PDE4B: variants seen among roughly 807,000 people sequenced by gnomAD.
PDE4B encodes the protein phosphodiesterase 4B.
PDE4B carries 20 observed loss-of-function variants against 82.2 expected under a neutral mutation model. That is an observed-to-expected ratio of 0.24 (90% CI 0.17 to 0.35). The LOEUF (loss-of-function observed/expected upper bound fraction) is 0.35. PDE4B is among the 10% of genes least tolerant of loss of function. The pLI, the probability that PDE4B is intolerant of heterozygous loss-of-function variation, is 1.00. For missense variants in PDE4B, 655 were observed against 907.2 expected (o/e 0.72, Z 3.57); for synonymous variants, 320 against 318.9 (o/e 1.00, Z -0.04).
chr1:66,113,171 A>G (rs941373128), intron 3 of PDE4B, among the ~76,000 whole-genome samples: 3 of 152,234 alleles, frequency 2.0e-5, no homozygotes, highest in African/African-American at 7.2e-5. Flanking sequence ...TGCAGAAATA[A>G]AACTAGAAGT....
chr1:66,264,444 T>C (rs1321134907), intron 6 of PDE4B, among the ~76,000 whole-genome samples: 2 of 152,216 alleles, frequency 1.3e-5, no homozygotes, highest in African/African-American at 4.8e-5. Context: ...TCTTAAACTC[T>C]CTGAGCTTCA....
At chr1:66,341,800 C>T (rs1234548562) in intron 8 of PDE4B, among the ~76,000 whole-genome samples, 2 of 152,150 alleles carry the variant, frequency 1.3e-5, no homozygotes, top group Admixed American at 6.5e-5. Context: ...GAAAGTTGAA[C>T]GTGAGATGGT....
chr1:66,240,002 C>T (rs769869035), intron 3 of PDE4B, among the ~76,000 whole-genome samples: 4 of 152,238 alleles, frequency 2.6e-5, no homozygotes, highest in Non-Finnish European at 4.4e-5. Context: ...ATGATTTTTG[C>T]TGTGTGTGGT....
chr1:66,246,877 C>T (rs1653351881), intron 3 of PDE4B, among the ~76,000 whole-genome samples: 1 of 152,206 alleles, frequency 6.6e-6, no homozygotes, highest in Admixed American at 6.5e-5. Flanking sequence ...GTTAAATTTG[C>T]AGATGAATAT....
At position 66,002,265 on chromosome 1, in the gene PDE4B, T is replaced by C. The variant is rs752717207; in HGVS notation, c.281+83430T>C. On this transcript the variant is annotated intron_variant, in intron 3 of 16. Coordinates refer to ENST00000341517, the MANE Select transcript of PDE4B (RefSeq NM_002600.4). ...TACCGAACATCTTTTAATGTCTTTA[T>C]TTGCTATCCTTATCTCTTTGGTAAA... is the stretch of plus-strand genomic sequence containing the variant. 9.9e-5 allele frequency among the ~76,000 whole-genome samples: 15 copies of C among 152,198 alleles called. 1 individual carries two copies. Among genetic ancestry groups the C allele is most frequent in the Non-Finnish European group, 1.6e-4 (11 of 68,042 alleles).
rs565992229 is a variant in PDE4B, at chr1:66,106,879, CA to C, written c.282-140575del. On this transcript the variant is annotated intron_variant, in intron 3 of 16. Coordinates refer to ENST00000341517, the MANE Select transcript of PDE4B (RefSeq NM_002600.4). ...ATTCTGTCAATTTTGTTGATCCTTTCAAAAAACCAGCTCCGGGATTCATTAA... is the reference window on the plus strand; with the variant it reads ...ATTCTGTCAATTTTGTTGATCCTTTCAAAAACCAGCTCCGGGATTCATTAA... 8.6e-4 allele frequency among the ~76,000 whole-genome samples: 97 copies of C among 113,272 alleles called. 5 individuals carry two copies. In the South Asian group the frequency reaches 0.01, roughly 12 times the overall value. The allele number at this position is 113,272 out of a possible 152,430, so 74.3% of individuals were successfully genotyped here. A position where few individuals can be genotyped will look rare whatever the true frequency, so the allele number is the denominator to read the frequency against.
At chr1:65,822,139 C>A (rs1427359107) in intron 1 of PDE4B, among the ~76,000 whole-genome samples, 2 of 152,050 alleles carry the variant, frequency 1.3e-5, no homozygotes, top group Non-Finnish European at 2.9e-5. Flanking sequence ...TATGTAAATG[C>A]CATACTGTGT....
intron 3 of PDE4B, among the ~76,000 whole-genome samples, chr1:66,003,099 G>T (rs1397762777): frequency 6.6e-6 from 1 of 151,902 alleles, no homozygotes; most frequent in Non-Finnish European, 1.5e-5. Context: ...CAGTATGTAT[G>T]GACTGTGCCA....
chr1:65,976,199 C>A lies in PDE4B; in HGVS notation c.281+57364C>A, dbSNP rs190046283. Among the ~76,000 whole-genome samples, 34 of 152,198 alleles carry A rather than the reference C, an allele frequency of 2.2e-4. No individual in the cohort carries two copies. In the South Asian group the frequency reaches 4.8e-3, roughly 21 times the overall value. On this transcript the variant is annotated intron_variant, in intron 3 of 16. Coordinates refer to ENST00000341517, the MANE Select transcript of PDE4B (RefSeq NM_002600.4). ...GAGCCCACCCCTTGAATCAGCATGC[C>A]CTGGATGAGAGACATGGAGTCTAAG...
intron 3 of PDE4B, among the ~76,000 whole-genome samples, chr1:66,137,065 G>C (rs148557647): frequency 9.8e-5 from 15 of 152,294 alleles, no homozygotes; most frequent in African/African-American, 3.4e-4. Context: ...GTGGATGAAA[G>C]AGGAGAAATA....
intron 1 of PDE4B, among the ~76,000 whole-genome samples, chr1:65,833,685 C>A (rs1249238427): frequency 6.6e-6 from 1 of 152,144 alleles, no homozygotes; most frequent in Non-Finnish European, 1.5e-5. Flanking sequence ...TTATCTCTTT[C>A]TCCGCCTTAT....
chr1:66,269,482 A>C (rs770837068), intron 7 of PDE4B, among the ~76,000 whole-genome samples: 3 of 152,194 alleles, frequency 2.0e-5, no homozygotes. Context: ...GGCTCTCCCT[A>C]CATGGTGCTC....
chr1:65,996,350 T>C (rs1269658704), intron 3 of PDE4B, among the ~76,000 whole-genome samples: 1 of 151,460 alleles, frequency 6.6e-6, no homozygotes, highest in Non-Finnish European at 1.5e-5. Context: ...ATATATAATC[T>C]TTTTTCCCCT....
chr1:65,827,726 AT>A (rs1266065751), intron 1 of PDE4B, among the ~76,000 whole-genome samples: 1 of 152,210 alleles, frequency 6.6e-6, no homozygotes, highest in African/African-American at 2.4e-5. Flanking sequence ...TCAGAAAAAA[AT>A]ATTTGAAGAA....
At chr1:65,963,992 C>T (rs1267783672) in intron 3 of PDE4B, among the ~76,000 whole-genome samples, 1 of 152,086 alleles carries the variant, frequency 6.6e-6, no homozygotes, top group East Asian at 1.9e-4. Context: ...AATTTGGTTT[C>T]TGTCAGCTTT....
At chr1:66,014,536 G>A (rs1476841145) in intron 3 of PDE4B, among the ~76,000 whole-genome samples, 1 of 151,760 alleles carries the variant, frequency 6.6e-6, no homozygotes, top group Non-Finnish European at 1.5e-5. Flanking sequence ...ATGTTTTGTT[G>A]GTACCCAGCT....
intron 3 of PDE4B, among the ~76,000 whole-genome samples, chr1:66,074,424 C>T (rs1023020767): frequency 3.3e-5 from 5 of 152,206 alleles, no homozygotes; most frequent in South Asian, 4.2e-4. Flanking sequence ...AGCCCATGCT[C>T]GTTGAAAACC....
chr1:65,947,764 TGAGGA>T (rs1051732078), intron 3 of PDE4B, among the ~76,000 whole-genome samples: 6 of 151,866 alleles, frequency 4.0e-5, no homozygotes, highest in Non-Finnish European at 5.9e-5. Flanking sequence ...ATGGAAGAGA[TGAGGA>T]AGAATCCTCC....
At chr1:65,880,359 A>G (rs1264317011) in intron 1 of PDE4B, among the ~76,000 whole-genome samples, 1 of 152,074 alleles carries the variant, frequency 6.6e-6, no homozygotes, top group Non-Finnish European at 1.5e-5. Context: ...CATGCTGCTC[A>G]CTCCTTCAGA....
Sources: gnomAD v4.1 joint callset for allele counts (sites outside exome capture counted in the v4.1 genomes callset) on GRCh38, gnomAD v4.1.1 for gene constraint, MANE v1.5 for transcripts, NCBI Gene and HGNC (gene_info 2026-07-23, HGNC 2026-07-21) for gene names.